The following WDR72 variants were observed in gnomAD, a reference collection of about 807,000 sequenced individuals.
The protein encoded by WDR72 is WD repeat-containing protein 72.
Under a neutral mutation model 124.2 loss-of-function variants are expected in WDR72, and 120 were observed. The ratio of observed to expected loss-of-function variants is 0.97; its 90% CI spans 0.83 to 1.12. The LOEUF (loss-of-function observed/expected upper bound fraction) is 1.12, where lower values mean the gene tolerates loss of function less well. WDR72 is among the 50% of genes most tolerant of loss of function. The pLI is 0.00. For synonymous variants in WDR72, 452 were observed against 441.7 expected (o/e 1.02, Z -0.29); for missense variants, 1,387 against 1,278.8 (o/e 1.08, Z -1.29).
chr15:53,630,325 A>G (rs1305302013), intron 14 of WDR72, among the ~76,000 whole-genome samples: 3 of 152,184 alleles, frequency 2.0e-5, no homozygotes. Context: ...GTCCAAAAAA[A>G]TAGAAGTGGT....
rs745736667 is a variant in WDR72, at chr15:53,615,948, C to A, written c.2258G>T (p.Gly753Val). ...AKPITESLAQ[G>V]DNTIKFSEEN... ...TTCTGAGAATTTGATGGTATTATCT[C>A]CTTGGGCCAGGCTTTCAGTAATAGG... The change falls in exon 15 of 20, where the codon GGA (glycine) becomes GTA (valine). Residue 753 changes from glycine (G) to valine (V), a missense_variant. Coordinates refer to ENST00000360509, the MANE Select transcript of WDR72 (RefSeq NM_182758.4). 20 of 1,613,220 alleles carry A rather than the reference C, an allele frequency of 1.2e-5. No homozygotes were observed. In the Admixed American group the frequency reaches 3.3e-4, roughly 27 times the overall value.
In WDR72 at chr15:53,609,535, C is replaced by A. The variant is rs1313949313; in HGVS notation, c.2930G>T (p.Cys977Phe). The A allele has an allele frequency of 6.2e-7, 1 of 1,613,424 alleles. No homozygotes were observed. The highest frequency in any genetic ancestry group is 8.5e-7 in the Non-Finnish European group (1 of 1,179,696). The part of the protein sequence containing the change: ...ADLSLLKLIS[C>F]WRDQSVQVTE... ...TACCTGCACAGACTGGTCTCTCCAACAGGAAATTAGCTTCAAAAGTGAAAG... is the reference window on the plus strand; with the variant it reads ...TACCTGCACAGACTGGTCTCTCCAAAAGGAAATTAGCTTCAAAAGTGAAAG... The change falls in exon 17 of 20, where the codon TGT becomes TTT. Residue 977 changes from cysteine to phenylalanine, a missense_variant. Cys to Phe is a radical substitution (Grantham distance 205). Coordinates refer to ENST00000360509, the MANE Select transcript of WDR72 (RefSeq NM_182758.4).
chr15:53,705,557 G>T (rs2017328205), intron 10 of WDR72, among the ~76,000 whole-genome samples: 1 of 152,118 alleles, frequency 6.6e-6, no homozygotes, highest in African/African-American at 2.4e-5. Flanking sequence ...CCACCTCCTG[G>T]GTTTAAGCAA....
At chr15:53,751,977 C>T (rs191976425) in intron 1 of WDR72, among the ~76,000 whole-genome samples, 295 of 152,256 alleles carry the variant, frequency 1.9e-3, no homozygotes, top group Non-Finnish European at 3.0e-3. Flanking sequence ...AAATATTAGA[C>T]TCTATTATCA....
chr15:53,567,282 A>G (rs1427628399), intron 18 of WDR72, among the ~76,000 whole-genome samples: 1 of 151,930 alleles, frequency 6.6e-6, no homozygotes, highest in African/African-American at 2.4e-5. Flanking sequence ...ATGAGTATAG[A>G]TTTTCTAAAA....
At chr15:53,523,710 C>CTGGTG (rs1891946631) in intron 18 of WDR72, among the ~76,000 whole-genome samples, 1 of 152,118 alleles carries the variant, frequency 6.6e-6, no homozygotes, top group African/African-American at 2.4e-5. Flanking sequence ...CAGCTCTGTA[C>CTGGTG]TGGTGGCAAT....
intron 18 of WDR72, among the ~76,000 whole-genome samples, chr15:53,533,490 C>G (rs1314845062): frequency 4.6e-5 from 7 of 152,050 alleles, no homozygotes; most frequent in African/African-American, 1.7e-4. Context: ...ACAAGTCATA[C>G]CCCTAAAACC....
chr15:53,594,883 A>G (rs1396282853), intron 18 of WDR72, among the ~76,000 whole-genome samples: 1 of 150,198 alleles, frequency 6.7e-6, no homozygotes. Flanking sequence ...AGTTCTTGTG[A>G]ATAGTTTTTT....
chr15:53,674,118 T>C (rs1270965351), intron 13 of WDR72, among the ~76,000 whole-genome samples: 1 of 152,206 alleles, frequency 6.6e-6, no homozygotes, highest in Non-Finnish European at 1.5e-5. Context: ...ATTATAGAAT[T>C]AGGTCTTTTC....
intron 14 of WDR72, among the ~76,000 whole-genome samples, chr15:53,644,913 G>C (rs1484938575): frequency 3.9e-5 from 6 of 152,062 alleles, no homozygotes; most frequent in African/African-American, 1.2e-4. Context: ...CGCATCTTGG[G>C]TATCAGCAGG....
At chr15:53,569,049 G>A (rs1894405348) in intron 18 of WDR72, among the ~76,000 whole-genome samples, 1 of 150,318 alleles carries the variant, frequency 6.7e-6, no homozygotes, top group Admixed American at 6.7e-5. Context: ...GTGTGGTAGG[G>A]AGTTTACTGA....
rs576381222 is a variant in WDR72 at position 53,751,929 on chromosome 15, A to G, written c.-13+7704T>C. ...CAATCTAATAAGGTTGATGTGAGTA[A>G]ATAATCCTTGGAAATCATTAATTAG... is the stretch of plus-strand genomic sequence containing the variant. On this transcript the variant is annotated intron_variant, in intron 1 of 19. Transcript: ENST00000360509. Among the ~76,000 whole-genome samples, 10 of 152,304 alleles carry G rather than the reference A, an allele frequency of 6.6e-5. No individual in the cohort carries two copies. In the South Asian group the frequency reaches 2.1e-3, roughly 32 times the overall value.
intron 1 of WDR72, 167 bp downstream of exon 1, chr15:53,759,466 C>G (rs910157039): frequency 6.6e-6 from 1 of 152,288 alleles, no homozygotes; most frequent in African/African-American, 2.4e-5. Flanking sequence ...TAGCGCTGCG[C>G]ACGCCCACCC....
chr15:53,746,320 T>C (rs1489766034), intron 1 of WDR72, among the ~76,000 whole-genome samples: 2 of 152,144 alleles, frequency 1.3e-5, no homozygotes, highest in African/African-American at 2.4e-5. Flanking sequence ...TTGTCATAAA[T>C]AGCTGTCTTC....
Position 53,720,135 on chromosome 15 carries a change from AT to A in WDR72, c.260+2666del, listed in dbSNP as rs1024885725. On this transcript the variant is annotated intron_variant, in intron 3 of 19. Transcript: ENST00000360509. Reference sequence around the variant, plus strand: ...AAAAATTGTTTTCTTTGAATTAAACATTTTTTTAATTAAAAGTTACATACTC... The same window carrying A: ...AAAAATTGTTTTCTTTGAATTAAACATTTTTTAATTAAAAGTTACATACTC... 2.3e-4 allele frequency among the ~76,000 whole-genome samples: 35 copies of A among 152,058 alleles called. 1 individual carries two copies. Among genetic ancestry groups the A allele is most frequent in the Admixed American group, 1.0e-3 (16 of 15,280 alleles).
In WDR72 at chr15:53,701,559, T is replaced by TCACA. The variant is rs58047374; in HGVS notation, c.1569+571_1569+574dup. Among the ~76,000 whole-genome samples, 981 of 120,150 alleles carry TCACA rather than the reference T, an allele frequency of 8.2e-3. 12 individuals carry two copies. Among genetic ancestry groups the TCACA allele is most frequent in the Non-Finnish European group, 0.012 (696 of 57,254 alleles). The allele number at this position is 120,150 out of a possible 152,430, so 78.8% of individuals were successfully genotyped here. ...CTGTCTCTCTCTCTCTCTCTCTCTCTCACACACACACACACACACACACAC... is the reference window on the plus strand; with the variant it reads ...CTGTCTCTCTCTCTCTCTCTCTCTCTCACACACACACACACACACACACACACAC... On this transcript the variant is annotated intron_variant, in intron 12 of 19. Coordinates refer to ENST00000360509, the MANE Select transcript of WDR72 (RefSeq NM_182758.4).
chr15:53,624,252 C>T (rs1011954255), intron 14 of WDR72, among the ~76,000 whole-genome samples: 7 of 152,092 alleles, frequency 4.6e-5, no homozygotes, highest in Admixed American at 3.9e-4. Context: ...TACATAGATC[C>T]GTATAAACTC....
intron 13 of WDR72, among the ~76,000 whole-genome samples, chr15:53,690,195 ACCCTAAAACTT>A (rs2016793039): frequency 1.3e-5 from 2 of 152,024 alleles, no homozygotes; most frequent in Non-Finnish European, 2.9e-5. Flanking sequence ...GTGCACATGT[ACCCTAAAACTT>A]AAAGTATAAT....
intron 7 of WDR72, 93 bp from the exon 8 acceptor site, chr15:53,711,574 T>C (rs2017540867): frequency 7.6e-7 from 1 of 1,320,920 alleles, no homozygotes. Flanking sequence ...TATAACAACA[T>C]AGTAAGCGTT....
Sources: allele counts gnomAD v4.1 joint callset (sites outside exome capture counted in the v4.1 genomes callset), GRCh38; gene constraint gnomAD v4.1.1; transcripts MANE v1.5; gene names NCBI Gene and HGNC (gene_info 2026-07-23, HGNC 2026-07-21).